The following SNX29 variants were observed in gnomAD, a reference collection of about 807,000 sequenced individuals.
SNX29 encodes sorting nexin 29.
A neutral mutation model predicts 102.1 loss-of-function variants in SNX29; 78 were observed. That is an observed-to-expected ratio of 0.76 (90% CI 0.64 to 0.92). SNX29 has a LOEUF of 0.92. Among genes scored for constraint, SNX29 ranks in the 40% least tolerant of loss-of-function variants. SNX29 has a pLI of 0.00. For synonymous variants in SNX29, 580 were observed against 414.5 expected, an observed-to-expected ratio of 1.40 and a Z score of -4.85; for missense variants, 1,280 against 1,061.7, an observed-to-expected ratio of 1.21 and a Z score of -2.86.
intron 20 of SNX29, among the ~76,000 whole-genome samples, chr16:12,540,408 A>G (rs983965010): frequency 1.3e-5 from 2 of 152,206 alleles, no homozygotes; most frequent in Admixed American, 6.5e-5. Flanking sequence ...TAGTGGCTAA[A>G]AACTACAGAT....
At chr16:12,393,276 G>A (rs1317796013) in intron 16 of SNX29, among the ~76,000 whole-genome samples, 1 of 151,230 alleles carries the variant, frequency 6.6e-6, no homozygotes, top group South Asian at 2.1e-4. Context: ...TTCTTTTTTT[G>A]TCTCCAAACT....
At chr16:12,255,327 C>T (rs2078539397) in intron 14 of SNX29, among the ~76,000 whole-genome samples, 1 of 152,014 alleles carries the variant, frequency 6.6e-6, no homozygotes, top group East Asian at 1.9e-4. Context: ...TCCCGAGTAG[C>T]TGGGATTACA....
At position 12,078,823 on chromosome 16, in the gene SNX29, T is replaced by C. The variant is rs758394523; in HGVS notation, c.1320-10T>C. On this transcript the variant is annotated splice_polypyrimidine_tract_variant and intron_variant, in intron 10 of 20. Coordinates refer to ENST00000566228, the MANE Select transcript of SNX29 (RefSeq NM_032167.5). ...CCGAGTGTAACTTCCTCCTGCCTGC[T>C]TTTTCCTAGTGTGGAAGCCAGCTCT... is the stretch of plus-strand genomic sequence containing the variant. The C allele has an allele frequency of 1.4e-5, 23 of 1,593,458 alleles. No individual in the cohort carries two copies. In the South Asian group the frequency reaches 1.7e-4, roughly 12 times the overall value.
At chr16:12,045,374 G>A (rs1567559619) in intron 5 of SNX29, among the ~76,000 whole-genome samples, 1 of 147,988 alleles carries the variant, frequency 6.8e-6, no homozygotes, top group Admixed American at 6.9e-5. Context: ...TGGCATTGGG[G>A]ATTTTTGGTT....
chr16:12,455,413 A>G (rs965210270), intron 18 of SNX29, among the ~76,000 whole-genome samples: 2 of 151,086 alleles, frequency 1.3e-5, no homozygotes, highest in African/African-American at 4.9e-5. Flanking sequence ...CTTGGCCAGC[A>G]CCCGCCGTGG....
At position 12,328,483 on chromosome 16, in the gene SNX29, G is replaced by A. The variant is rs529225256; in HGVS notation, c.1783-27680G>A. On this transcript the variant is annotated intron_variant, in intron 15 of 20. Transcript: ENST00000566228. ...CTTAGAAGCACAGGCTATGACCTCT[G>A]CCCCAAAGCACTTGACTCTCAGCCA... Among the ~76,000 whole-genome samples the A allele has an allele frequency of 4.6e-5, 7 of 152,188 alleles. No homozygotes were observed. The East Asian group carries it at 1.2e-3, about 25-fold the overall frequency.
Position 12,568,897 on chromosome 16 carries a change from A to T in SNX29, c.*268A>T, listed in dbSNP as rs985027186. 8.0e-6 allele frequency: 4 copies of T among 499,496 alleles called. No individual in the cohort carries two copies. Among genetic ancestry groups the T allele is most frequent in the Non-Finnish European group, 1.4e-5 (4 of 287,410 alleles). The allele number at this position is 499,496 out of a possible 1,614,324, so 30.9% of individuals were successfully genotyped here. On this transcript the variant is annotated 3_prime_UTR_variant, in exon 21 of 21. Transcript: ENST00000566228. ...CTTCTGGGGTCTACCCTGGGCTGCA[A>T]GGGCTGTTCCTCCACCTTTCTGTAG...
intron 13 of SNX29, among the ~76,000 whole-genome samples, chr16:12,194,855 G>A (rs1237889067): frequency 1.3e-5 from 2 of 151,958 alleles, no homozygotes; most frequent in African/African-American, 2.4e-5. Flanking sequence ...TCGAACTCCC[G>A]ACCTCAGATG....
chr16:12,342,695 A>C (rs1044811537), intron 15 of SNX29, among the ~76,000 whole-genome samples: 17 of 152,320 alleles, frequency 1.1e-4, no homozygotes, highest in African/African-American at 4.1e-4. Flanking sequence ...CATTTTTCAG[A>C]TGCAGAAACT....
In SNX29 at chr16:12,162,467, C is replaced by T. The variant is rs370036662; in HGVS notation, c.1595+32709C>T. On this transcript the variant is annotated intron_variant, in intron 13 of 20. Transcript: ENST00000566228. ...TTTGCAGGCCATATGGTCTCTGTCACAACTACTGAAGTCTGCTGTTGTAGC... is the reference window on the plus strand; with the variant it reads ...TTTGCAGGCCATATGGTCTCTGTCATAACTACTGAAGTCTGCTGTTGTAGC... 3.3e-5 allele frequency among the ~76,000 whole-genome samples: 5 copies of T among 152,334 alleles called. No homozygotes were observed. In the South Asian group the frequency reaches 8.3e-4, roughly 25 times the overall value.
chr16:12,341,282 A>G (rs903162642), intron 15 of SNX29, among the ~76,000 whole-genome samples: 4 of 152,218 alleles, frequency 2.6e-5, no homozygotes, highest in African/African-American at 9.6e-5. Flanking sequence ...ATGACCTTGA[A>G]CAAATGATTT....
rs573040329 is a variant in SNX29, at chr16:12,069,858, C to A, written c.1319+726C>A. ...GGCGCCCGCCACTGCGCCCGGCTAA[C>A]TTTTTGTATTTTCAGTAGAGATGGG... On this transcript the variant is annotated intron_variant, in intron 10 of 20. Transcript: ENST00000566228. Among the ~76,000 whole-genome samples, 3 of 152,058 alleles carry A rather than the reference C, an allele frequency of 2.0e-5. No homozygotes were observed. In the South Asian group the frequency reaches 6.2e-4, roughly 32 times the overall value.
intron 3 of SNX29, among the ~76,000 whole-genome samples, chr16:12,026,376 C>A (rs1468899711): frequency 1.3e-5 from 2 of 152,220 alleles, no homozygotes; most frequent in Non-Finnish European, 2.9e-5. Context: ...AGGCAGAAAC[C>A]GTGCCTGTCT....
intron 15 of SNX29, among the ~76,000 whole-genome samples, chr16:12,345,399 C>T (rs753637749): frequency 1.3e-5 from 2 of 152,170 alleles, no homozygotes; most frequent in African/African-American, 2.4e-5. Flanking sequence ...CTTCTGTGTG[C>T]GGTTGTGCAG....
chr16:12,079,840 G>A (rs1014236988), intron 11 of SNX29, among the ~76,000 whole-genome samples: 9 of 152,162 alleles, frequency 5.9e-5, no homozygotes, highest in African/African-American at 2.2e-4. Flanking sequence ...TCTCATTCCA[G>A]GCGGCAGGAA....
At chr16:12,006,945 A>G (rs2056475189) in intron 3 of SNX29, among the ~76,000 whole-genome samples, 1 of 152,148 alleles carries the variant, frequency 6.6e-6, no homozygotes. Flanking sequence ...TGATGAGAAA[A>G]CAGATTCAGA....
intron 11 of SNX29, among the ~76,000 whole-genome samples, chr16:12,121,746 G>C (rs2053982507): frequency 6.6e-6 from 1 of 152,194 alleles, no homozygotes; most frequent in Non-Finnish European, 1.5e-5. Flanking sequence ...CTCCAGCCAG[G>C]GGTCCTGGGC....
At chr16:12,400,624 C>A (rs1489209228) in intron 17 of SNX29, among the ~76,000 whole-genome samples, 1 of 152,206 alleles carries the variant, frequency 6.6e-6, no homozygotes, top group African/African-American at 2.4e-5. Flanking sequence ...CCAAAGCAGG[C>A]CCTGGAAGTC....
intron 20 of SNX29, among the ~76,000 whole-genome samples, chr16:12,539,229 G>C (rs1358192294): frequency 6.6e-6 from 1 of 152,152 alleles, no homozygotes; most frequent in Non-Finnish European, 1.5e-5. Flanking sequence ...ATATAGACCA[G>C]TTCCTTCACC....
Sources: gnomAD v4.1 joint callset for allele counts (sites outside exome capture counted in the v4.1 genomes callset) on GRCh38, gnomAD v4.1.1 for gene constraint, MANE v1.5 for transcripts, NCBI Gene and HGNC (gene_info 2026-07-23, HGNC 2026-07-21) for gene names.